The following PTPRT variants were observed in gnomAD, a reference collection of about 807,000 sequenced individuals.
PTPRT encodes protein tyrosine phosphatase receptor type T.
In PTPRT, 56 loss-of-function variants were observed where a neutral mutation model predicts 176.8. That is an observed-to-expected ratio of 0.32 (90% CI 0.26 to 0.40). PTPRT has a LOEUF of 0.40. Among genes scored for constraint, PTPRT ranks in the 10% least tolerant of loss-of-function variants. The probability of loss-of-function intolerance (pLI) is 1.00; values close to 1 mark genes in which losing one functional copy is unlikely to be tolerated. For missense variants in PTPRT, 1,540 were observed against 1,908.2 expected (o/e 0.81, Z 3.60); for synonymous variants, 783 against 739.0 (o/e 1.06, Z -0.96).
intron 17 of PTPRT, among the ~76,000 whole-genome samples, chr20:42,160,956 A>G (rs1221844064): frequency 6.6e-6 from 1 of 152,034 alleles, no homozygotes; most frequent in Non-Finnish European, 1.5e-5. Flanking sequence ...GGCAGGGGAG[A>G]TGTGCTGGCT....
intron 14 of PTPRT, among the ~76,000 whole-genome samples, chr20:42,237,710 G>A (rs1450841914): frequency 2.6e-5 from 4 of 152,138 alleles, no homozygotes; most frequent in Admixed American, 6.6e-5. Flanking sequence ...ATAAAAGCAT[G>A]ATATTCCCTT....
chr20:43,142,678 T>A (rs1289657523), intron 1 of PTPRT, among the ~76,000 whole-genome samples: 1 of 152,230 alleles, frequency 6.6e-6, no homozygotes, highest in African/African-American at 2.4e-5. Context: ...TCAACCCACC[T>A]ACATTAAATA....
intron 7 of PTPRT, among the ~76,000 whole-genome samples, chr20:42,500,033 A>T (rs2071724753): frequency 6.6e-6 from 1 of 151,998 alleles, no homozygotes; most frequent in Non-Finnish European, 1.5e-5. Context: ...TTGTAATTTG[A>T]GTTTTTTTAT....
At chr20:42,085,223 G>A (rs1983765444) in intron 28 of PTPRT, among the ~76,000 whole-genome samples, 2 of 152,100 alleles carry the variant, frequency 1.3e-5, no homozygotes, top group South Asian at 2.1e-4. Flanking sequence ...TAGGGGAGGT[G>A]CTGAGCTCCT....
chr20:43,183,596 C>T (rs944133423), intron 1 of PTPRT, among the ~76,000 whole-genome samples: 2 of 152,222 alleles, frequency 1.3e-5, no homozygotes, highest in Non-Finnish European at 2.9e-5. Context: ...CAGAGTTACA[C>T]GACCATCACC....
At chr20:42,464,065 A>AC (rs1298319421) in intron 8 of PTPRT, among the ~76,000 whole-genome samples, 2 of 152,190 alleles carry the variant, frequency 1.3e-5, no homozygotes, top group Admixed American at 1.3e-4. Context: ...ATTTGAAGCA[A>AC]CGAATGTGGT....
chr20:42,715,526 C>CT (rs1218555703), intron 6 of PTPRT, among the ~76,000 whole-genome samples: 1 of 152,138 alleles, frequency 6.6e-6, no homozygotes, highest in Admixed American at 6.5e-5. Flanking sequence ...AAAGCTTACT[C>CT]TGGGGTTAGT....
intron 1 of PTPRT, among the ~76,000 whole-genome samples, chr20:43,162,926 T>C (rs2014738107): frequency 6.6e-6 from 1 of 152,236 alleles, no homozygotes; most frequent in Non-Finnish European, 1.5e-5. Context: ...CGTATGGTGA[T>C]AGCCAACATG....
intron 7 of PTPRT, among the ~76,000 whole-genome samples, chr20:42,555,611 G>A (rs189165491): frequency 8.1e-4 from 123 of 152,150 alleles, no homozygotes; most frequent in Non-Finnish European, 1.3e-3. Flanking sequence ...CCCGGACACC[G>A]CCACGTAACT....
At position 42,571,067 on chromosome 20, in the gene PTPRT, T is replaced by A. The variant is rs546288148; in HGVS notation, c.1154-98505A>T. Among the ~76,000 whole-genome samples the A allele has an allele frequency of 1.7e-3, 253 of 152,300 alleles. 1 individual carries two copies. Among genetic ancestry groups the A allele is most frequent in the South Asian group, 4.1e-3 (20 of 4,832 alleles). ...TCCCCACACATTGCATGTGCTGCCA[T>A]TAAAATGCTTATAAAGAACTCTTAG... On this transcript the variant is annotated intron_variant, in intron 7 of 30. Transcript: ENST00000373187.
At chr20:42,885,545 C>T (rs1301402908) in intron 2 of PTPRT, among the ~76,000 whole-genome samples, 2 of 151,994 alleles carry the variant, frequency 1.3e-5, no homozygotes, top group African/African-American at 4.8e-5. Flanking sequence ...CAAGCAAAAC[C>T]CAGTGATACC....
At chr20:42,782,299 A>G (rs941662495) in intron 3 of PTPRT, among the ~76,000 whole-genome samples, 9 of 152,070 alleles carry the variant, frequency 5.9e-5, no homozygotes, top group African/African-American at 2.2e-4. Flanking sequence ...TCTCCCTTCA[A>G]CAGCTGCCAA....
intron 1 of PTPRT, among the ~76,000 whole-genome samples, chr20:43,026,378 A>T (rs1476806415): frequency 6.6e-6 from 1 of 152,166 alleles, no homozygotes; most frequent in Admixed American, 6.5e-5. Context: ...GGCCTCGCAA[A>T]GTGCTGGGAT....
intron 7 of PTPRT, among the ~76,000 whole-genome samples, chr20:42,654,056 G>C (rs1001739071): frequency 6.6e-6 from 1 of 152,108 alleles, no homozygotes; most frequent in African/African-American, 2.4e-5. Flanking sequence ...GACAGGACAG[G>C]GGAGGCTGGA....
intron 21 of PTPRT, 51 bp downstream of exon 21, chr20:42,118,352 G>T: frequency 3.4e-6 from 5 of 1,476,226 alleles, no homozygotes; most frequent in Non-Finnish European, 4.6e-6. Flanking sequence ...AGAGATGTTC[G>T]AGAGTGCATC....
intron 2 of PTPRT, among the ~76,000 whole-genome samples, chr20:42,854,500 G>T (rs902048201): frequency 2.0e-5 from 3 of 152,166 alleles, no homozygotes; most frequent in African/African-American, 7.2e-5. Context: ...CAGAATGGGT[G>T]GGGGAAACTC....
chr20:42,066,250 C>G, the PTPRT span, among the ~76,000 whole-genome samples: 1 of 151,984 alleles, frequency 6.6e-6, no homozygotes, highest in Admixed American at 6.6e-5. Flanking sequence ...CCATGTTGAC[C>G]AGGCTGGTCT....
intron 15 of PTPRT, among the ~76,000 whole-genome samples, chr20:42,229,209 C>T (rs1251756275): frequency 6.6e-6 from 1 of 152,114 alleles, no homozygotes; most frequent in African/African-American, 2.4e-5. Flanking sequence ...AAAGCAGATC[C>T]CCAGGCCATG....
At chr20:42,376,638 C>A (rs2058651141) in intron 9 of PTPRT, among the ~76,000 whole-genome samples, 1 of 152,276 alleles carries the variant, frequency 6.6e-6, no homozygotes, top group South Asian at 2.1e-4. Context: ...TGGTGAAAAG[C>A]TCAGACTTGG....
Sources: allele counts gnomAD v4.1 joint callset (sites outside exome capture counted in the v4.1 genomes callset), GRCh38; gene constraint gnomAD v4.1.1; transcripts MANE v1.5; gene names NCBI Gene and HGNC (gene_info 2026-07-23, HGNC 2026-07-21).